The following ZBBX variants were observed in gnomAD, a reference collection of about 807,000 sequenced individuals.
ZBBX encodes zinc finger B-box domain-containing protein 1.
A neutral mutation model predicts 108.5 loss-of-function variants in ZBBX; 101 were observed. The observed-to-expected ratio is 0.93, with a 90% CI of 0.79 to 1.10. The LOEUF is 1.10. Among genes scored for constraint, ZBBX ranks in the 50% least tolerant of loss-of-function variants. ZBBX has a pLI of 0.00. For synonymous variants in ZBBX, 356 were observed against 323.4 expected, an observed-to-expected ratio of 1.10 and a Z score of -1.08; for missense variants, 1,009 against 941.4, an observed-to-expected ratio of 1.07 and a Z score of -0.94.
At chr3:167,190,516 G>A in the ZBBX span, among the ~76,000 whole-genome samples, 1 of 151,926 alleles carries the variant, frequency 6.6e-6, no homozygotes, top group Non-Finnish European at 1.5e-5. Context: ...GACTAGCTGG[G>A]ACTACAGGTC....
chr3:167,181,096 A>G, the ZBBX span, among the ~76,000 whole-genome samples: 14 of 152,200 alleles, frequency 9.2e-5, no homozygotes, highest in Non-Finnish European at 1.8e-4. Context: ...TTAAAGGTAT[A>G]GGTTCTGGAG....
intron 8 of ZBBX, among the ~76,000 whole-genome samples, chr3:167,357,726 C>T (rs368518792): frequency 0.014 from 2,106 of 152,112 alleles, 26 homozygotes; most frequent in South Asian, 0.026. Context: ...CACATGCACA[C>T]GTATGTTTAT....
intron 17 of ZBBX, among the ~76,000 whole-genome samples, chr3:167,302,462 T>C (rs988579413): frequency 6.6e-6 from 1 of 152,122 alleles, no homozygotes; most frequent in African/African-American, 2.4e-5. Flanking sequence ...TTTTTTTAAA[T>C]TAGTGCTTGC....
chr3:167,384,486 A>G (rs1184647867), upstream of ZBBX, among the ~76,000 whole-genome samples: 1 of 152,072 alleles, frequency 6.6e-6, no homozygotes, highest in Non-Finnish European at 1.5e-5. Context: ...AAGGCAGGGC[A>G]GACTGAGTTT....
chr3:167,364,437 T>C lies in ZBBX; in HGVS notation c.273+1449A>G, dbSNP rs556015283. On this transcript the variant is annotated intron_variant, in intron 6 of 21. Transcript: ENST00000675490. ...TAACATTGAACTACTTCGATTTTAC[T>C]TCGCCATTCTTTTTCTTCTCAATCT... 5.3e-5 allele frequency among the ~76,000 whole-genome samples: 8 copies of C among 152,176 alleles called. No homozygotes were observed. The South Asian group carries it at 1.4e-3, about 28-fold the overall frequency.
chr3:167,250,514 AT>A (rs1722391067), intron 20 of ZBBX, among the ~76,000 whole-genome samples: 1 of 144,430 alleles, frequency 6.9e-6, no homozygotes, highest in Non-Finnish European at 1.5e-5. Context: ...TCACCCATGC[AT>A]ACTTAACCTT....
chr3:167,286,049 A>G (rs1036593104), intron 19 of ZBBX, among the ~76,000 whole-genome samples: 2 of 152,182 alleles, frequency 1.3e-5, no homozygotes, highest in Non-Finnish European at 2.9e-5. Flanking sequence ...TCAAGAGACC[A>G]GCACTAGATA....
Position 167,328,064 on chromosome 3 carries a change from A to C in ZBBX, c.740T>G (p.Leu247Arg). The C allele has an allele frequency of 6.2e-7, 1 of 1,613,942 alleles. No individual in the cohort carries two copies. Among genetic ancestry groups the C allele is most frequent in the South Asian group, 1.1e-5 (1 of 91,054 alleles). ...TTCATCGAATGACCCTTCACACAAC[A>C]GACTCTTTCTTGGTTTTGTACGTTG... The part of the protein sequence containing the change: ...RAQRTKPRKS[L>R]LCEGSFDEEA... Residue 247 changes from leucine (L) to arginine (R), a missense_variant, in exon 11 of 22, where the codon CTG (leucine) becomes CGG (arginine). Physicochemically the swap from Leu to Arg is moderately radical, Grantham distance 102. Coordinates refer to ENST00000675490, the MANE Select transcript of ZBBX (RefSeq NM_001199201.2).
At chr3:167,237,951 C>CT (rs1472449038), downstream of ZBBX, among the ~76,000 whole-genome samples, 15 of 151,964 alleles carry the variant, frequency 9.9e-5, no homozygotes, top group East Asian at 1.4e-3. Flanking sequence ...TGGTCCAATC[C>CT]TTCCCTAACA....
the ZBBX span, among the ~76,000 whole-genome samples, chr3:167,180,693 A>G: frequency 2.9e-3 from 441 of 152,348 alleles, 1 homozygote; most frequent in Admixed American, 4.7e-3. Flanking sequence ...ACACTTTCCA[A>G]TGAAAATGCT....
the ZBBX span, among the ~76,000 whole-genome samples, chr3:167,189,723 T>TA: frequency 6.6e-6 from 1 of 152,236 alleles, no homozygotes; most frequent in African/African-American, 2.4e-5. Flanking sequence ...GGGAATAGCC[T>TA]ATGCCACAAT....
chr3:167,318,207 A>G (rs958948657), intron 12 of ZBBX, among the ~76,000 whole-genome samples: 1 of 151,998 alleles, frequency 6.6e-6, no homozygotes. Context: ...ATTATTGGAG[A>G]GAAGGGTCAC....
chr3:167,254,614 T>C (rs1723151275), intron 20 of ZBBX, among the ~76,000 whole-genome samples: 1 of 152,150 alleles, frequency 6.6e-6, no homozygotes, highest in African/African-American at 2.4e-5. Flanking sequence ...TAATACTTTT[T>C]TAAAGAGACG....
chr3:167,220,661 T>C, the ZBBX span, among the ~76,000 whole-genome samples: 1 of 151,804 alleles, frequency 6.6e-6, no homozygotes, highest in African/African-American at 2.4e-5. Context: ...TCCTCTAAGA[T>C]CTGGAACATA....
intron 18 of ZBBX, among the ~76,000 whole-genome samples, chr3:167,296,463 G>A (rs531492685): frequency 6.6e-6 from 1 of 152,088 alleles, no homozygotes; most frequent in South Asian, 2.1e-4. Context: ...CAGATGGTGT[G>A]ATCTTATATG....
At chr3:167,307,576 A>G (rs1733867577) in intron 16 of ZBBX, among the ~76,000 whole-genome samples, 1 of 152,182 alleles carries the variant, frequency 6.6e-6, no homozygotes, top group Admixed American at 6.6e-5. Flanking sequence ...ACTATACTGA[A>G]GAGTTACCAA....
At chr3:167,250,920 C>T (rs979029552) in intron 20 of ZBBX, among the ~76,000 whole-genome samples, 2 of 152,094 alleles carry the variant, frequency 1.3e-5, no homozygotes, top group Non-Finnish European at 2.9e-5. Flanking sequence ...TATAAAAACC[C>T]GAGACCCGAG....
At chr3:167,269,132 T>C (rs1242505127) in intron 20 of ZBBX, among the ~76,000 whole-genome samples, 1 of 152,120 alleles carries the variant, frequency 6.6e-6, no homozygotes, top group Admixed American at 6.5e-5. Context: ...AGGGGCTCTG[T>C]CTCTTTTACT....
chr3:167,277,361 G>A (rs577617357), intron 20 of ZBBX, among the ~76,000 whole-genome samples: 63 of 152,232 alleles, frequency 4.1e-4, no homozygotes, highest in Non-Finnish European at 5.0e-4. Flanking sequence ...CCCATCTCAC[G>A]TGCAGAGACA....
Sources: allele counts gnomAD v4.1 joint callset (sites outside exome capture counted in the v4.1 genomes callset), GRCh38; gene constraint gnomAD v4.1.1; transcripts MANE v1.5; gene names NCBI Gene and HGNC (gene_info 2026-07-23, HGNC 2026-07-21).